Variants in PATJ observed in about 807,000 individuals in gnomAD.
The protein encoded by PATJ is PATJ crumbs cell polarity complex component.
In PATJ, 190 loss-of-function variants were observed where a neutral mutation model predicts 224.9. The observed-to-expected ratio is 0.84, with a 90% CI of 0.75 to 0.95. PATJ has a LOEUF of 0.95. Among genes scored for constraint, PATJ ranks in the 40% least tolerant of loss-of-function variants. The pLI is 0.00. For synonymous variants in PATJ, 769 were observed against 820.3 expected (o/e 0.94, Z 1.07); for missense variants, 2,121 against 2,270.3 (o/e 0.93, Z 1.34).
At chr1:62,065,720 G>A (rs967772259) in intron 31 of PATJ, among the ~76,000 whole-genome samples, 1 of 152,190 alleles carries the variant, frequency 6.6e-6, no homozygotes, top group Non-Finnish European at 1.5e-5. Flanking sequence ...TTGCCCAGAA[G>A]GAATCACTTG....
chr1:62,079,357 A>C (rs758783473), intron 31 of PATJ, 93 bp from the exon 32 acceptor site: 11 of 760,942 alleles, frequency 1.4e-5, no homozygotes, highest in African/African-American at 3.4e-5. Context: ...ATTGGACTGC[A>C]CCATTGTTTT....
intron 1 of PATJ, among the ~76,000 whole-genome samples, chr1:61,754,531 T>C (rs1645519182): frequency 2.0e-5 from 3 of 146,606 alleles, no homozygotes; most frequent in South Asian, 2.2e-4. Context: ...TTTTTTTTTT[T>C]TTTTTTTTTT....
intron 17 of PATJ, among the ~76,000 whole-genome samples, chr1:61,838,521 A>ATTTTTTTTTTTTT (rs34877280): frequency 2.8e-4 from 32 of 115,548 alleles, no homozygotes; most frequent in Non-Finnish European, 3.6e-4. Context: ...CGCCTGGCTA[A>ATTTTTTTTTTTTT]TTTTTTTTTT....
At chr1:62,136,784 A>G (rs1225892714) in intron 41 of PATJ, among the ~76,000 whole-genome samples, 1 of 151,424 alleles carries the variant, frequency 6.6e-6, no homozygotes, top group East Asian at 2.0e-4. Context: ...GGCTCACAGC[A>G]GCCTTGATCT....
chr1:61,994,958 T>G (rs769883779), intron 28 of PATJ, among the ~76,000 whole-genome samples: 3 of 152,228 alleles, frequency 2.0e-5, no homozygotes, highest in Non-Finnish European at 2.9e-5. Flanking sequence ...CTGTTTTCTT[T>G]TTATAACTCA....
chr1:62,036,526 T>A (rs1443088928), intron 29 of PATJ, among the ~76,000 whole-genome samples: 2 of 151,992 alleles, frequency 1.3e-5, no homozygotes, highest in African/African-American at 4.8e-5. Context: ...AGTGGAGATA[T>A]AAAGTAACAG....
At chr1:62,003,226 T>C (rs1318549404) in intron 28 of PATJ, among the ~76,000 whole-genome samples, 1 of 152,230 alleles carries the variant, frequency 6.6e-6, no homozygotes, top group Non-Finnish European at 1.5e-5. Flanking sequence ...CTTGTGGCAA[T>C]TGGAGCAACT....
At chr1:62,085,632 A>G (rs1410367899) in intron 33 of PATJ, among the ~76,000 whole-genome samples, 1 of 152,038 alleles carries the variant, frequency 6.6e-6, no homozygotes, top group Admixed American at 6.5e-5. Context: ...TGGGCAACAT[A>G]GCAAGACCTC....
chr1:61,863,045 T>G (rs1258838077), intron 19 of PATJ, among the ~76,000 whole-genome samples: 1 of 144,750 alleles, frequency 6.9e-6, no homozygotes, highest in African/African-American at 2.6e-5. Context: ...TTTTTTTTTT[T>G]TTTTTTTTGA....
At chr1:61,924,402 G>C (rs1674806625) in intron 26 of PATJ, among the ~76,000 whole-genome samples, 1 of 152,052 alleles carries the variant, frequency 6.6e-6, no homozygotes, top group African/African-American at 2.4e-5. Flanking sequence ...TTAACTGTGG[G>C]TTCCTAAAAA....
At chr1:61,752,806 T>C (rs1048306283) in intron 1 of PATJ, among the ~76,000 whole-genome samples, 1 of 152,052 alleles carries the variant, frequency 6.6e-6, no homozygotes, top group Non-Finnish European at 1.5e-5. Flanking sequence ...ACTGTCAGGA[T>C]TGTTCTGGAA....
intron 24 of PATJ, among the ~76,000 whole-genome samples, chr1:61,906,204 C>T (rs551099768): frequency 6.6e-6 from 1 of 152,292 alleles, no homozygotes; most frequent in African/African-American, 2.4e-5. Flanking sequence ...GAGGAGGGCA[C>T]AGAGCATCCA....
intron 17 of PATJ, among the ~76,000 whole-genome samples, chr1:61,853,177 A>G (rs1663110639): frequency 1.3e-5 from 2 of 152,214 alleles, no homozygotes; most frequent in African/African-American, 4.8e-5. Flanking sequence ...TGTGTAAATT[A>G]GTGCTCACAA....
intron 19 of PATJ, among the ~76,000 whole-genome samples, chr1:61,862,915 C>T (rs976884863): frequency 2.7e-5 from 4 of 148,166 alleles, no homozygotes; most frequent in African/African-American, 1.0e-4. Context: ...TCTATGATGT[C>T]TATTATATTT....
intron 42 of PATJ, 82 bp from the exon 43 acceptor site, chr1:62,153,276 C>T: frequency 1.8e-6 from 2 of 1,084,626 alleles, no homozygotes; most frequent in Non-Finnish European, 1.2e-6. Flanking sequence ...GAAAGTCTCT[C>T]TCAAATCTGT....
intron 4 of PATJ, among the ~76,000 whole-genome samples, chr1:61,768,766 G>T (rs1358835923): frequency 6.6e-6 from 1 of 151,742 alleles, no homozygotes; most frequent in African/African-American, 2.4e-5. Flanking sequence ...CAGGCATGGT[G>T]GTGCATGCCT....
chr1:62,037,220 T>C (rs960912186), intron 29 of PATJ, among the ~76,000 whole-genome samples: 3 of 152,210 alleles, frequency 2.0e-5, no homozygotes, highest in African/African-American at 7.2e-5. Context: ...GAGATAATTA[T>C]GTTGGTTGTG....
chr1:61,865,020 A>G (rs1055290775), intron 20 of PATJ, among the ~76,000 whole-genome samples: 1 of 152,084 alleles, frequency 6.6e-6, no homozygotes, highest in Non-Finnish European at 1.5e-5. Context: ...ATCAAGGCCA[A>G]GTTAGTACAT....
chr1:61,961,614 A>G (rs1230760144), intron 27 of PATJ, among the ~76,000 whole-genome samples: 2 of 152,232 alleles, frequency 1.3e-5, no homozygotes, highest in South Asian at 2.1e-4. Flanking sequence ...GGATCAATAC[A>G]TGAAAAGTAC....
Sources: allele counts gnomAD v4.1 joint callset (sites outside exome capture counted in the v4.1 genomes callset), GRCh38; gene constraint gnomAD v4.1.1; transcripts MANE v1.5; gene names NCBI Gene and HGNC (gene_info 2026-07-23, HGNC 2026-07-21).